Variants in CFAP20 observed in about 807,000 individuals in gnomAD.
CFAP20 encodes the protein cilia- and flagella-associated protein 20.
A neutral mutation model predicts 25.5 loss-of-function variants in CFAP20; 14 were observed. The ratio of observed to expected loss-of-function variants is 0.55; its 90% CI spans 0.36 to 0.86. The LOEUF (loss-of-function observed/expected upper bound fraction) is 0.86, where lower values mean the gene tolerates loss of function less well. Ranked by LOEUF, CFAP20 falls within the 40% of genes least tolerant of loss-of-function variation. The pLI is 0.01. For synonymous variants in CFAP20, 75 were observed against 91.1 expected (o/e 0.82, Z 1.01); for missense variants, 181 against 248.0 (o/e 0.73, Z 1.81).
Position 58,115,446 on chromosome 16 carries a change from G to A in CFAP20, c.288C>T (p.Asp96=), listed in dbSNP as rs1960445110. The A allele has an allele frequency of 6.2e-7, 1 of 1,614,186 alleles. No homozygotes were observed. Among genetic ancestry groups the A allele is most frequent in the Non-Finnish European group, 8.5e-7 (1 of 1,180,036 alleles). The stretch of plus-strand genomic sequence containing the variant: ...CCCGAAAGCGACGACGCACATTCTT[G>A]TCATCTAGTACCTGTGAAATACAGA... The part of the protein sequence containing the change: ...YFTFEVQVLD[D]KNVRRRFRAS... Residue 96 remains aspartate, a synonymous_variant, in exon 4 of 6, where the codon GAC becomes GAT. Transcript: ENST00000262498.
chr16:58,114,360 T>C (rs973406281), intron 5 of CFAP20, among the ~76,000 whole-genome samples: 1 of 152,064 alleles, frequency 6.6e-6, no homozygotes, highest in African/African-American at 2.4e-5. Context: ...AAACCCCGTC[T>C]CTATAAAAAT....
intron 3 of CFAP20, 188 bp from the exon 4 acceptor site, chr16:58,115,645 T>C (rs1423787261): frequency 1.5e-6 from 1 of 653,234 alleles, no homozygotes; most frequent in Non-Finnish European, 2.6e-6. Flanking sequence ...TTATCTTGTT[T>C]GTTGCCAAGA....
intron 1 of CFAP20, among the ~76,000 whole-genome samples, chr16:58,124,354 G>GT (rs1357493283): frequency 2.0e-5 from 3 of 152,270 alleles, no homozygotes; most frequent in Admixed American, 2.0e-4. Context: ...ATTTAATTCT[G>GT]TATGTCATTA....
In CFAP20 at chr16:58,113,896, C is replaced by T; in HGVS notation, c.*129G>A. The T allele has an allele frequency of 1.8e-6, 2 of 1,118,454 alleles. No individual in the cohort carries two copies. Among genetic ancestry groups the T allele is most frequent in the East Asian group, 2.4e-5 (1 of 41,846 alleles). 69.3% of individuals were successfully genotyped at this position (1,118,454 alleles called of 1,614,324 possible). ...TCACCGGTGTCCATGACAAGCAACA[C>T]CAAGTATAAATAACAGAACTACAGC... On this transcript the variant is annotated 3_prime_UTR_variant, in exon 6 of 6. Coordinates refer to ENST00000262498, the MANE Select transcript of CFAP20 (RefSeq NM_013242.3).
intron 1 of CFAP20, 70 bp from the exon 2 acceptor site, chr16:58,117,021 C>T: frequency 7.0e-7 from 1 of 1,425,144 alleles, no homozygotes; most frequent in African/African-American, 1.4e-5. Context: ...TAAAGAAAAC[C>T]ACGGTAGCCC....
intron 5 of CFAP20, 133 bp from the exon 6 acceptor site, chr16:58,114,163 C>T: frequency 1.0e-6 from 1 of 973,514 alleles, no homozygotes; most frequent in Admixed American, 1.7e-5. Context: ...ATCTGCAGCA[C>T]ACAGGCAGGG....
At chr16:58,123,624 A>AAAAAAG in intron 1 of CFAP20, among the ~76,000 whole-genome samples, 1 of 145,944 alleles carries the variant, frequency 6.9e-6, no homozygotes, top group Non-Finnish European at 1.5e-5. Flanking sequence ...AAAAAAAAAA[A>AAAAAAG]AAAAAGACTG....
Position 58,113,703 on chromosome 16 carries a change from A to G in CFAP20, c.*322T>C, listed in dbSNP as rs1178380783. The G allele has an allele frequency of 6.5e-6, 2 of 308,794 alleles. No homozygotes were observed. Among genetic ancestry groups the G allele is most frequent in the Non-Finnish European group, 1.2e-5 (2 of 163,884 alleles). 19.1% of individuals were successfully genotyped at this position (308,794 alleles called of 1,614,324 possible). ...CATAGAATAAACCGCAGGAAGAAAT[A>G]TTGGTCTGGAATTCCTTATGGGCCA... On this transcript the variant is annotated 3_prime_UTR_variant, in exon 6 of 6. Transcript: ENST00000262498.
At chr16:58,123,628 A>AAAAAAC (rs1960569277) in intron 1 of CFAP20, among the ~76,000 whole-genome samples, 1 of 142,758 alleles carries the variant, frequency 7.0e-6, no homozygotes, top group Non-Finnish European at 1.5e-5. Context: ...AAAAAAAAAA[A>AAAAAAC]AGACTGAAAA....
At chr16:58,128,914 A>G in intron 1 of CFAP20, 118 bp downstream of exon 1, 1 of 950,910 alleles carries the variant, frequency 1.1e-6, no homozygotes, top group Non-Finnish European at 1.4e-6. Flanking sequence ...AAGGCACAGC[A>G]GCGTCCTCTC....
intron 1 of CFAP20, among the ~76,000 whole-genome samples, chr16:58,124,464 T>C (rs748033825): frequency 6.6e-6 from 1 of 152,102 alleles, no homozygotes; most frequent in Non-Finnish European, 1.5e-5. Context: ...AATATCAGAG[T>C]GTACTTACAC....
intron 3 of CFAP20, 96 bp downstream of exon 3, chr16:58,115,945 G>T: frequency 6.0e-6 from 5 of 830,768 alleles, no homozygotes; most frequent in Non-Finnish European, 9.7e-6. Flanking sequence ...CATGCAAAAG[G>T]ATAAAGATAC....
At chr16:58,115,940 A>C in intron 3 of CFAP20, 101 bp downstream of exon 3, 1 of 789,546 alleles carries the variant, frequency 1.3e-6, no homozygotes, top group Non-Finnish European at 2.1e-6. Flanking sequence ...GAATACATGC[A>C]AAAGGATAAA....
Position 58,129,258 on chromosome 16 carries a change from G to C in CFAP20, c.-143C>G. On this transcript the variant is annotated 5_prime_UTR_variant, in exon 1 of 6. Transcript: ENST00000262498. ...TGAGCTCCTGGCCTCCGGATCTGCA[G>C]CCACTGATGGCCGGACTCGGACGCG... The C allele has an allele frequency of 1.3e-6, 1 of 778,974 alleles. No individual in the cohort carries two copies. The allele number at this position is 778,974 out of a possible 1,614,324, so 48.3% of individuals were successfully genotyped here. A position where few individuals can be genotyped will look rare whatever the true frequency, so the allele number is the denominator to read the frequency against.
chr16:58,115,098 C>G, intron 4 of CFAP20, 171 bp downstream of exon 4: 2 of 1,056,118 alleles, frequency 1.9e-6, no homozygotes, highest in Non-Finnish European at 2.8e-6. Context: ...ACCTCTATAC[C>G]TGACCCGACT....
At chr16:58,117,055 GAC>G in intron 1 of CFAP20, 104 bp from the exon 2 acceptor site, 1 of 953,970 alleles carries the variant, frequency 1.0e-6, no homozygotes, top group South Asian at 1.5e-5. Flanking sequence ...AGAAATTTGT[GAC>G]ACAGCACACT....
intron 1 of CFAP20, among the ~76,000 whole-genome samples, chr16:58,120,222 A>G (rs544165153): frequency 6.6e-6 from 1 of 152,374 alleles, no homozygotes; most frequent in African/African-American, 2.4e-5. Flanking sequence ...AATTATTCTC[A>G]ATAACATAAC....
chr16:58,114,504 C>A (rs2142363728), intron 5 of CFAP20, among the ~76,000 whole-genome samples: 2 of 148,990 alleles, frequency 1.3e-5, no homozygotes, highest in South Asian at 2.2e-4. Context: ...CTAGCCTGGG[C>A]AACAGGGCAA....
At chr16:58,120,093 C>G (rs562734045) in intron 1 of CFAP20, among the ~76,000 whole-genome samples, 3 of 152,320 alleles carry the variant, frequency 2.0e-5, no homozygotes, top group Non-Finnish European at 4.4e-5. Flanking sequence ...GAAAACCAAG[C>G]AGATTCAGTG....
Sources: allele counts gnomAD v4.1 joint callset (sites outside exome capture counted in the v4.1 genomes callset), GRCh38; gene constraint gnomAD v4.1.1; transcripts MANE v1.5; gene names NCBI Gene and HGNC (gene_info 2026-07-23, HGNC 2026-07-21).